Variants in TLK1 observed in about 807,000 individuals in gnomAD.
The protein encoded by TLK1 is tousled like kinase 1.
Under a neutral mutation model 105.3 loss-of-function variants are expected in TLK1, and 24 were observed. The ratio of observed to expected loss-of-function variants is 0.23; its 90% confidence interval spans 0.17 to 0.32. TLK1 has a LOEUF of 0.32. Among genes scored for constraint, TLK1 ranks in the 10% least tolerant of loss-of-function variants. The probability of loss-of-function intolerance (pLI) is 1.00; values close to 1 mark genes in which losing one functional copy is unlikely to be tolerated. For missense variants in TLK1, 558 were observed against 910.5 expected (o/e 0.61, Z 4.98); for synonymous variants, 321 against 310.4 (o/e 1.03, Z -0.36).
At chr2:171,146,416 A>T (rs10182207) in intron 1 of TLK1, among the ~76,000 whole-genome samples, 39,787 of 151,978 alleles carry the variant, frequency 0.26, 5,425 homozygotes, top group Middle Eastern at 0.35. Context: ...TCAGCATATG[A>T]CCCATCTGAT....
intron 1 of TLK1, among the ~76,000 whole-genome samples, chr2:171,149,311 A>G (rs894389214): frequency 6.6e-6 from 1 of 152,042 alleles, no homozygotes; most frequent in African/African-American, 2.4e-5. Flanking sequence ...TTCTCATTCA[A>G]TTTCACAACC....
intron 3 of TLK1, among the ~76,000 whole-genome samples, chr2:171,069,051 T>C (rs1349761201): frequency 6.6e-6 from 1 of 152,202 alleles, no homozygotes; most frequent in Non-Finnish European, 1.5e-5. Flanking sequence ...AGATTAAACA[T>C]TTGTGAAGTG....
chr2:171,012,091 T>C (rs1383563010), intron 13 of TLK1, among the ~76,000 whole-genome samples: 7 of 152,022 alleles, frequency 4.6e-5, no homozygotes, highest in Admixed American at 2.6e-4. Flanking sequence ...TTTTAGAATA[T>C]TGCCGACTGA....
At position 171,006,457 on chromosome 2, in the gene TLK1, A is replaced by C. The variant is rs1369973691; in HGVS notation, c.1768+17T>G. On this transcript the variant is annotated intron_variant, in intron 17 of 20. Coordinates refer to ENST00000431350, the MANE Select transcript of TLK1 (RefSeq NM_012290.5). The stretch of plus-strand genomic sequence containing the variant: ...TATACTCAAGTTTAAAAAAAATTAG[A>C]CAAATTTCATAATTACCTGGCTTAA... 1 of 1,555,616 alleles carries C rather than the reference A, an allele frequency of 6.4e-7. No individual in the cohort carries two copies. The highest frequency in any genetic ancestry group is 8.6e-7 in the Non-Finnish European group (1 of 1,156,568).
chr2:171,067,013 T>G, intron 3 of TLK1: 7 of 1,495,120 alleles, frequency 4.7e-6, no homozygotes, highest in Non-Finnish European at 6.2e-6. Context: ...TTTTGACCCA[T>G]TGTGACACTC....
At chr2:171,066,842 C>A in intron 3 of TLK1, 1 of 1,550,996 alleles carries the variant, frequency 6.4e-7, no homozygotes, top group Non-Finnish European at 8.7e-7. Flanking sequence ...CTCAAATTAC[C>A]TTGCCAGTAG....
chr2:171,013,845 T>C (rs191137240), intron 13 of TLK1, among the ~76,000 whole-genome samples: 98 of 152,330 alleles, frequency 6.4e-4, no homozygotes, highest in Admixed American at 2.5e-3. Flanking sequence ...AACAGAAACC[T>C]TTCCTCTCTT....
chr2:171,095,122 A>G (rs1689398936), intron 2 of TLK1, among the ~76,000 whole-genome samples: 1 of 152,200 alleles, frequency 6.6e-6, no homozygotes, highest in South Asian at 2.1e-4. Context: ...TATGAGATAA[A>G]GTTAAAGCAG....
At chr2:171,028,463 A>G in intron 11 of TLK1, 58 bp from the exon 12 acceptor site, 1 of 1,160,946 alleles carries the variant, frequency 8.6e-7, no homozygotes, top group East Asian at 2.4e-5. Flanking sequence ...TTTATTAACA[A>G]CTAGCAAAAT....
chr2:171,162,606 C>G (rs1692533314), upstream of TLK1, among the ~76,000 whole-genome samples: 1 of 152,152 alleles, frequency 6.6e-6, no homozygotes, highest in African/African-American at 2.4e-5. Flanking sequence ...TCCCTGAAAC[C>G]ACTTCTACAA....
chr2:171,134,122 C>G (rs1211944767), intron 1 of TLK1, among the ~76,000 whole-genome samples: 1 of 152,118 alleles, frequency 6.6e-6, no homozygotes, highest in Non-Finnish European at 1.5e-5. Flanking sequence ...ATCTGCTTAA[C>G]AGACAATTTG....
rs547548459 is a variant in TLK1 at position 171,143,399 on chromosome 2, G to A, written c.139+16891C>T. On this transcript the variant is annotated intron_variant, in intron 1 of 20. Transcript: ENST00000431350. ...ACATGCCTGTAATCCCCACCTACTC[G>A]GGAGGCTGAGGCATGAGAATTGTTT... Among the ~76,000 whole-genome samples the A allele has an allele frequency of 2.2e-4, 34 of 151,284 alleles. 1 individual carries two copies. Among genetic ancestry groups the A allele is most frequent in the African/African-American group, 8.0e-4 (33 of 41,242 alleles).
At chr2:171,086,890 G>C (rs1429617834) in intron 2 of TLK1, among the ~76,000 whole-genome samples, 1 of 152,262 alleles carries the variant, frequency 6.6e-6, no homozygotes, top group South Asian at 2.1e-4. Context: ...CCCAAATTCT[G>C]CATATTAACT....
intron 1 of TLK1, among the ~76,000 whole-genome samples, chr2:171,135,518 T>C (rs745855028): frequency 6.6e-6 from 1 of 151,968 alleles, no homozygotes; most frequent in African/African-American, 2.4e-5. Flanking sequence ...AAGAAAAAGA[T>C]GGCCAGGCAC....
chr2:171,074,377 C>T lies in TLK1; in HGVS notation c.330+8404G>A, dbSNP rs971500506. 1.4e-4 allele frequency among the ~76,000 whole-genome samples: 21 copies of T among 152,152 alleles called. No homozygotes were observed. The East Asian group carries it at 3.3e-3, about 24-fold the overall frequency. ...GTGTAGTGGCTCATGCCTGTAATCC[C>T]AGCACTTTCGGAGGCCGATGCAGGC... On this transcript the variant is annotated intron_variant, in intron 3 of 20. Coordinates refer to ENST00000431350, the MANE Select transcript of TLK1 (RefSeq NM_012290.5).
At chr2:171,005,657 T>C (rs561944334) in intron 18 of TLK1, among the ~76,000 whole-genome samples, 2 of 152,122 alleles carry the variant, frequency 1.3e-5, no homozygotes, top group Non-Finnish European at 2.9e-5. Context: ...CGCTTGAGCC[T>C]AGGAGTTTGA....
At chr2:171,135,191 T>C (rs1236299523) in intron 1 of TLK1, among the ~76,000 whole-genome samples, 2 of 152,046 alleles carry the variant, frequency 1.3e-5, no homozygotes, top group African/African-American at 4.8e-5. Context: ...ATATATGACA[T>C]GTATTTCAAA....
rs774221226 is a variant in TLK1, at chr2:171,011,358, T to G, written c.1416+15A>C. 1 of 1,590,974 alleles carries G rather than the reference T, an allele frequency of 6.3e-7. No homozygotes were observed. Among genetic ancestry groups the G allele is most frequent in the Non-Finnish European group, 8.6e-7 (1 of 1,167,648 alleles). On this transcript the variant is annotated intron_variant, in intron 14 of 20. Coordinates refer to ENST00000431350, the MANE Select transcript of TLK1 (RefSeq NM_012290.5). The stretch of plus-strand genomic sequence containing the variant: ...CTACATTAGTGTAAAAAAAACAGAA[T>G]AAAACATACATTACCTTATACACTT...
intron 1 of TLK1, among the ~76,000 whole-genome samples, chr2:171,177,332 GT>G (rs1157522882): frequency 2.0e-5 from 3 of 151,350 alleles, no homozygotes. Flanking sequence ...TGTAGAGATG[GT>G]TTTTTTGCCA....
Sources: allele counts gnomAD v4.1 joint callset (sites outside exome capture counted in the v4.1 genomes callset), GRCh38; gene constraint gnomAD v4.1.1; transcripts MANE v1.5; gene names NCBI Gene and HGNC (gene_info 2026-07-23, HGNC 2026-07-21).